GABRG3: variants seen among roughly 807,000 people sequenced by gnomAD.
GABRG3 encodes gamma-aminobutyric acid receptor subunit gamma-3.
GABRG3 carries 25 observed loss-of-function variants against 48.8 expected under a neutral mutation model. The ratio of observed to expected loss-of-function variants is 0.51; its 90% CI spans 0.37 to 0.72. The LOEUF (loss-of-function observed/expected upper bound fraction) is 0.72. Ranked by LOEUF, GABRG3 falls within the 30% of genes least tolerant of loss-of-function variation. The pLI, the probability that GABRG3 is intolerant of heterozygous loss-of-function variation, is 0.00. For synonymous variants in GABRG3, 227 were observed against 217.6 expected (o/e 1.04, Z -0.38); for missense variants, 394 against 577.9 (o/e 0.68, Z 3.26).
At chr15:27,212,401 T>TAAATGATATGA (rs1889106425) in intron 3 of GABRG3, among the ~76,000 whole-genome samples, 1 of 152,240 alleles carries the variant, frequency 6.6e-6, no homozygotes, top group African/African-American at 2.4e-5. Flanking sequence ...AGTCTTGGCT[T>TAAATGATATGA]TGTTTACAGC....
intron 3 of GABRG3, among the ~76,000 whole-genome samples, chr15:27,312,385 G>T (rs7497939): frequency 0.026 from 4,026 of 152,162 alleles, 141 homozygotes; most frequent in East Asian, 0.089. Context: ...CATATTCAAA[G>T]AAACAGTAGC....
At chr15:27,104,454 G>C (rs745589542) in intron 3 of GABRG3, among the ~76,000 whole-genome samples, 5 of 152,140 alleles carry the variant, frequency 3.3e-5, no homozygotes, top group African/African-American at 1.2e-4. Flanking sequence ...TTGTTTATTG[G>C]TTGGTTTGTT....
chr15:27,425,250 A>G (rs1888255399), intron 5 of GABRG3, among the ~76,000 whole-genome samples: 1 of 152,020 alleles, frequency 6.6e-6, no homozygotes, highest in African/African-American at 2.4e-5. Context: ...GACTCTAACC[A>G]TGAGTATAAG....
At chr15:27,093,288 A>C (rs142617770) in intron 3 of GABRG3, among the ~76,000 whole-genome samples, 1 of 152,296 alleles carries the variant, frequency 6.6e-6, no homozygotes, top group East Asian at 1.9e-4. Context: ...CACTTACTGC[A>C]TGACAGTGAG....
chr15:27,100,581 A>C (rs548265067), intron 3 of GABRG3, among the ~76,000 whole-genome samples: 1 of 152,308 alleles, frequency 6.6e-6, no homozygotes, highest in Admixed American at 6.5e-5. Context: ...ACTCCTCAAC[A>C]AATATTAGCA....
chr15:27,216,750 T>TA (rs58685578), intron 3 of GABRG3, among the ~76,000 whole-genome samples: 30,626 of 124,228 alleles, frequency 0.25, 3,813 homozygotes, highest in South Asian at 0.39. Flanking sequence ...TTTTTTTATT[T>TA]TTTATTTATT....
intron 5 of GABRG3, among the ~76,000 whole-genome samples, chr15:27,433,994 C>T (rs963466925): frequency 2.6e-5 from 4 of 152,172 alleles, no homozygotes; most frequent in African/African-American, 7.2e-5. Flanking sequence ...TTTACACGAG[C>T]TCTTTTATTT....
At chr15:27,132,236 A>G (rs1435276400) in intron 3 of GABRG3, among the ~76,000 whole-genome samples, 1 of 151,980 alleles carries the variant, frequency 6.6e-6, no homozygotes, top group African/African-American at 2.4e-5. Flanking sequence ...CATTTCCCCT[A>G]TATTTTCTTC....
At chr15:27,478,611 T>C (rs928875529) in intron 5 of GABRG3, among the ~76,000 whole-genome samples, 1 of 152,182 alleles carries the variant, frequency 6.6e-6, no homozygotes, top group Non-Finnish European at 1.5e-5. Flanking sequence ...ATATGTTAAA[T>C]GTAGTTACCC....
Position 27,348,449 on chromosome 15 carries a change from C to T in GABRG3, c.574+19561C>T, listed in dbSNP as rs146246359. Among the ~76,000 whole-genome samples, 862 of 152,200 alleles carry T rather than the reference C, an allele frequency of 5.7e-3. 10 individuals carry two copies. Among genetic ancestry groups the T allele is most frequent in the African/African-American group, 0.02 (820 of 41,502 alleles). On this transcript the variant is annotated intron_variant, in intron 5 of 9. Transcript: ENST00000615808. ...TCGTGTATTGATGAACTAATTTAGC[C>T]TTTAAAACAACCCACTGTGATAGGA...
At chr15:27,141,883 T>C (rs2041782466) in intron 3 of GABRG3, among the ~76,000 whole-genome samples, 1 of 152,192 alleles carries the variant, frequency 6.6e-6, no homozygotes, top group Non-Finnish European at 1.5e-5. Context: ...GTTTCTGCTG[T>C]GTGCTCACCC....
intron 3 of GABRG3, among the ~76,000 whole-genome samples, chr15:27,115,532 C>A (rs957236867): frequency 6.6e-6 from 1 of 152,142 alleles, no homozygotes; most frequent in African/African-American, 2.4e-5. Flanking sequence ...TGGTACGAAT[C>A]CCCCAAAACT....
At position 27,067,381 on chromosome 15, in the gene GABRG3, G is replaced by A. The variant is rs186659854; in HGVS notation, c.270+40560G>A. On this transcript the variant is annotated intron_variant, in intron 3 of 9. Transcript: ENST00000615808. ...CCCGCACCCTTCTGTGTCCCCTCTC[G>A]TGATGTATGATGGAGGGAGCGTGTT... Among the ~76,000 whole-genome samples the A allele has an allele frequency of 1.6e-4, 25 of 152,288 alleles. No individual in the cohort carries two copies. The East Asian group carries it at 2.5e-3, about 15-fold the overall frequency.
Position 27,236,070 on chromosome 15 carries a change from G to A in GABRG3, c.271-90739G>A, listed in dbSNP as rs1054837937. On this transcript the variant is annotated intron_variant, in intron 3 of 9. Transcript: ENST00000615808. This position sits in a 1 kb window ranked among gnomAD's most constrained non-coding sequence, Gnocchi z 4.4. Reference sequence around the variant, plus strand: ...CCTTATATGAGAGAGACATATTTTGGGGTAGCATATTCTGGTCTCCTAGTT... The same window carrying A: ...CCTTATATGAGAGAGACATATTTTGAGGTAGCATATTCTGGTCTCCTAGTT... Among the ~76,000 whole-genome samples the A allele has an allele frequency of 2.0e-5, 3 of 152,146 alleles. No homozygotes were observed. Among genetic ancestry groups the A allele is most frequent in the African/African-American group, 7.2e-5 (3 of 41,434 alleles).
At chr15:27,434,797 GTCT>G (rs1312463694) in intron 5 of GABRG3, among the ~76,000 whole-genome samples, 1 of 152,168 alleles carries the variant, frequency 6.6e-6, no homozygotes, top group Non-Finnish European at 1.5e-5. Context: ...GGTTTGGAGG[GTCT>G]TCTTTGACGT....
chr15:27,217,363 A>G (rs1177743128), intron 3 of GABRG3, among the ~76,000 whole-genome samples: 2 of 152,194 alleles, frequency 1.3e-5, no homozygotes, highest in African/African-American at 4.8e-5. Context: ...GCCCCAGCCA[A>G]CACTGCTCTA....
intron 3 of GABRG3, among the ~76,000 whole-genome samples, chr15:27,193,287 C>T (rs1379992525): frequency 6.6e-6 from 1 of 152,136 alleles, no homozygotes; most frequent in Non-Finnish European, 1.5e-5. Context: ...GAGGTTACTG[C>T]TGTCTTTTTG....
chr15:27,376,539 A>G (rs1346634907), intron 5 of GABRG3, among the ~76,000 whole-genome samples: 2 of 152,098 alleles, frequency 1.3e-5, no homozygotes, highest in East Asian at 3.9e-4. Context: ...AGGTTCCTAA[A>G]CCTCAGTTCT....
Position 27,308,166 on chromosome 15 carries a change from A to G in GABRG3, c.271-18643A>G, listed in dbSNP as rs1187666717. Among the ~76,000 whole-genome samples the G allele has an allele frequency of 6.4e-4, 3 of 4,692 alleles. 1 individual carries two copies. The highest frequency in any genetic ancestry group is 3.4e-3 in the Non-Finnish European group (3 of 876). 3.1% of individuals were successfully genotyped at this position (4,692 alleles called of 152,430 possible). A position where few individuals can be genotyped will look rare whatever the true frequency, so the allele number is the denominator to read the frequency against. On this transcript the variant is annotated intron_variant, in intron 3 of 9. Coordinates refer to ENST00000615808, the MANE Select transcript of GABRG3 (RefSeq NM_033223.5). The stretch of plus-strand genomic sequence containing the variant: ...TATACATCCAAACATATATAAACAT[A>G]TATGTTTATATATCCAAACATATAT...
Sources: allele counts gnomAD v4.1 joint callset (sites outside exome capture counted in the v4.1 genomes callset), GRCh38; gene constraint gnomAD v4.1.1; non-coding constraint Gnocchi (gnomAD v3.1); transcripts MANE v1.5; gene names NCBI Gene and HGNC (gene_info 2026-07-23, HGNC 2026-07-21).